Variants in C9orf153 observed in about 807,000 individuals in gnomAD.
The protein encoded by C9orf153 is uncharacterized protein C9orf153.
A neutral mutation model predicts 9.0 loss-of-function variants in C9orf153; 10 were observed. The observed-to-expected ratio is 1.11, with a 90% confidence interval of 0.69 to 1.89. The LOEUF (loss-of-function observed/expected upper bound fraction) is 1.89. C9orf153 is among the 40% of genes most tolerant of loss of function. The pLI is 0.00. For missense variants in C9orf153, 108 were observed against 111.0 expected, an observed-to-expected ratio of 0.97 and a Z score of 0.12; for synonymous variants, 35 against 37.3, an observed-to-expected ratio of 0.94 and a Z score of 0.23.
chr9:86,256,905 A>G (rs991186927), intron 1 of C9orf153, among the ~76,000 whole-genome samples: 1 of 152,132 alleles, frequency 6.6e-6, no homozygotes, highest in Non-Finnish European at 1.5e-5. Flanking sequence ...TGCACCTGTA[A>G]TCCCAGCTAC....
intron 1 of C9orf153, among the ~76,000 whole-genome samples, chr9:86,247,719 T>TA (rs1337848494): frequency 1.3e-5 from 2 of 152,184 alleles, no homozygotes; most frequent in African/African-American, 4.8e-5. Context: ...GAGCTATTTT[T>TA]ATCCCAAATG....
chr9:86,246,575 A>T (rs1027594217), intron 1 of C9orf153, among the ~76,000 whole-genome samples: 1 of 152,176 alleles, frequency 6.6e-6, no homozygotes, highest in Non-Finnish European at 1.5e-5. Context: ...AATTTTTTTT[A>T]AATCTCATTT....
chr9:86,247,965 A>G (rs1824905955), intron 1 of C9orf153, among the ~76,000 whole-genome samples: 1 of 152,156 alleles, frequency 6.6e-6, no homozygotes, highest in Non-Finnish European at 1.5e-5. Context: ...GAGGCTCTGC[A>G]CGCATTGGTG....
chr9:86,235,475 G>A lies in C9orf153; in HGVS notation c.-26-5846C>T, dbSNP rs188094762. 6.2e-4 allele frequency among the ~76,000 whole-genome samples: 95 copies of A among 152,134 alleles called. 1 individual carries two copies. The highest frequency in any genetic ancestry group is 5.1e-3 in the Admixed American group (78 of 15,280). On this transcript the variant is annotated intron_variant, in intron 1 of 3. Coordinates refer to ENST00000339137, the MANE Select transcript of C9orf153 (RefSeq NM_001276366.4). ...AAACCTGAAAAATCAAGAGAAAAAA[G>A]GCCAGGTGTGGTGGCTTATGCCTGT...
At chr9:86,235,541 G>A (rs1001423345) in intron 1 of C9orf153, among the ~76,000 whole-genome samples, 3 of 150,356 alleles carry the variant, frequency 2.0e-5, no homozygotes, top group Admixed American at 6.6e-5. Flanking sequence ...TGGATCATGA[G>A]GTCAGGAGTT....
At chr9:86,233,215 C>A (rs1824509517) in intron 1 of C9orf153, among the ~76,000 whole-genome samples, 1 of 152,070 alleles carries the variant, frequency 6.6e-6, no homozygotes, top group Non-Finnish European at 1.5e-5. Flanking sequence ...AATAATGCAA[C>A]TTCTCTTGAC....
At chr9:86,256,415 A>G (rs913042489) in intron 1 of C9orf153, among the ~76,000 whole-genome samples, 10 of 152,266 alleles carry the variant, frequency 6.6e-5, no homozygotes, top group Admixed American at 2.0e-4. Context: ...AAATGTTGTG[A>G]AAAATATATT....
intron 1 of C9orf153, among the ~76,000 whole-genome samples, chr9:86,247,754 G>A (rs570091935): frequency 6.6e-6 from 1 of 152,292 alleles, no homozygotes; most frequent in African/African-American, 2.4e-5. Context: ...ATTCATTCTT[G>A]TTTCATGGTG....
chr9:86,242,791 G>A (rs997215517), intron 1 of C9orf153, among the ~76,000 whole-genome samples: 1 of 152,098 alleles, frequency 6.6e-6, no homozygotes, highest in Non-Finnish European at 1.5e-5. Context: ...TGATTCTCCT[G>A]CCTCAGTCTC....
At chr9:86,241,631 GT>G (rs11418899) in intron 1 of C9orf153, among the ~76,000 whole-genome samples, 4 of 148,614 alleles carry the variant, frequency 2.7e-5, no homozygotes, top group African/African-American at 1.0e-4. Flanking sequence ...ACATTTCGTT[GT>G]TTTTTTTTTC....
intron 1 of C9orf153, among the ~76,000 whole-genome samples, chr9:86,232,718 C>T (rs1443844070): frequency 1.3e-5 from 2 of 151,812 alleles, no homozygotes; most frequent in Non-Finnish European, 2.9e-5. Flanking sequence ...TTTTATCCTC[C>T]TCGTAATTCT....
chr9:86,221,756 A>G, intron 3 of C9orf153, 23 bp from the exon 4 acceptor site: 1 of 1,474,504 alleles, frequency 6.8e-7, no homozygotes, highest in Admixed American at 2.0e-5. Flanking sequence ...ATATTTTCAA[A>G]GAATCACATG....
rs116370825 is a variant in C9orf153 at position 86,237,553 on chromosome 9, G to C, written c.-26-7924C>G. Among the ~76,000 whole-genome samples, 1,421 of 152,204 alleles carry C rather than the reference G, an allele frequency of 9.3e-3. 20 individuals are homozygous for C. The highest frequency in any genetic ancestry group is 0.032 in the African/African-American group (1,335 of 41,526). On this transcript the variant is annotated intron_variant, in intron 1 of 3. Transcript: ENST00000339137. ...CTGCCTCAGCCTCCCAAGTAGGTGG[G>C]ACTACATGTGCGTGCCACTGTACCT...
chr9:86,256,655 A>C (rs535639349), intron 1 of C9orf153, among the ~76,000 whole-genome samples: 3 of 152,304 alleles, frequency 2.0e-5, no homozygotes, highest in East Asian at 3.9e-4. Context: ...AGGAATGCAA[A>C]ATTTATCAGA....
At chr9:86,254,125 T>C (rs1027193929) in intron 1 of C9orf153, among the ~76,000 whole-genome samples, 2 of 151,960 alleles carry the variant, frequency 1.3e-5, no homozygotes, top group African/African-American at 2.4e-5. Flanking sequence ...GCAACTTATT[T>C]TGCAAATAAA....
intron 3 of C9orf153, among the ~76,000 whole-genome samples, chr9:86,222,209 G>T (rs1207805861): frequency 6.6e-6 from 1 of 152,052 alleles, no homozygotes; most frequent in Non-Finnish European, 1.5e-5. Flanking sequence ...AAACTTAAGG[G>T]AGACCCTGTG....
At chr9:86,243,319 A>T (rs1824789762) in intron 1 of C9orf153, among the ~76,000 whole-genome samples, 1 of 152,176 alleles carries the variant, frequency 6.6e-6, no homozygotes, top group Non-Finnish European at 1.5e-5. Flanking sequence ...CAACATGATG[A>T]TAGAGAATAA....
chr9:86,222,838 T>TGTC (rs1457889183), intron 3 of C9orf153, among the ~76,000 whole-genome samples: 1 of 152,192 alleles, frequency 6.6e-6, no homozygotes, highest in Non-Finnish European at 1.5e-5. Flanking sequence ...GTGACCTTAC[T>TGTC]GTCCCACATG....
At chr9:86,237,628 G>C (rs756456111) in intron 1 of C9orf153, among the ~76,000 whole-genome samples, 1 of 152,146 alleles carries the variant, frequency 6.6e-6, no homozygotes, top group Non-Finnish European at 1.5e-5. Context: ...CAAAAGTAAA[G>C]AGATACAGAA....
Sources: gnomAD v4.1 joint callset for allele counts (sites outside exome capture counted in the v4.1 genomes callset) on GRCh38, gnomAD v4.1.1 for gene constraint, MANE v1.5 for transcripts, NCBI Gene and HGNC (gene_info 2026-07-23, HGNC 2026-07-21) for gene names.